Variants in GPC5 observed in about 807,000 individuals in gnomAD.
GPC5 encodes glypican-5.
A neutral mutation model predicts 53.9 loss-of-function variants in GPC5; 47 were observed. That is an observed-to-expected ratio of 0.87 (90% CI 0.69 to 1.11). The LOEUF (loss-of-function observed/expected upper bound fraction) is 1.11, where lower values mean the gene tolerates loss of function less well. Among genes scored for constraint, GPC5 ranks in the 50% most tolerant of loss-of-function variants. The probability of loss-of-function intolerance (pLI) is 0.00; values close to 1 mark genes in which losing one functional copy is unlikely to be tolerated. For synonymous variants in GPC5, 286 were observed against 263.3 expected, an observed-to-expected ratio of 1.09 and a Z score of -0.84; for missense variants, 748 against 713.1, an observed-to-expected ratio of 1.05 and a Z score of -0.56.
chr13:92,044,420 A>G (rs1044062414), intron 6 of GPC5, among the ~76,000 whole-genome samples: 2 of 152,220 alleles, frequency 1.3e-5, no homozygotes, highest in Non-Finnish European at 2.9e-5. Flanking sequence ...GGGGAGCCAT[A>G]GAATCAGAAG....
At chr13:91,457,276 T>C (rs1881629057) in intron 2 of GPC5, among the ~76,000 whole-genome samples, 1 of 152,106 alleles carries the variant, frequency 6.6e-6, no homozygotes, top group Non-Finnish European at 1.5e-5. Context: ...TGAGGTCTTA[T>C]GGTTTGTTTT....
chr13:91,826,866 A>G (rs2038584069), intron 5 of GPC5, among the ~76,000 whole-genome samples: 1 of 152,046 alleles, frequency 6.6e-6, no homozygotes. Flanking sequence ...TCAATTCATG[A>G]TGGATCATAG....
At chr13:92,424,852 T>C (rs935749809) in intron 7 of GPC5, among the ~76,000 whole-genome samples, 1 of 151,116 alleles carries the variant, frequency 6.6e-6, no homozygotes, top group East Asian at 1.9e-4. Flanking sequence ...TCATTGAACA[T>C]GTACTGAGTC....
intron 5 of GPC5, among the ~76,000 whole-genome samples, chr13:91,820,635 A>T (rs2038477348): frequency 1.3e-5 from 2 of 152,188 alleles, no homozygotes; most frequent in Admixed American, 1.3e-4. Context: ...ACTTATTATA[A>T]GTCTGCATGT....
chr13:92,419,409 G>A (rs945750635), intron 7 of GPC5, among the ~76,000 whole-genome samples: 1 of 152,104 alleles, frequency 6.6e-6, no homozygotes, highest in Admixed American at 6.6e-5. Flanking sequence ...TTGTAGAGTG[G>A]GAAAAGGTAA....
At chr13:92,444,305 G>C (rs1031339075) in intron 7 of GPC5, among the ~76,000 whole-genome samples, 2 of 152,124 alleles carry the variant, frequency 1.3e-5, no homozygotes, top group Non-Finnish European at 2.9e-5. Flanking sequence ...AATCAAAAGA[G>C]TCAGTTTGAT....
At chr13:92,535,392 G>A (rs147062817) in intron 7 of GPC5, among the ~76,000 whole-genome samples, 2 of 152,148 alleles carry the variant, frequency 1.3e-5, no homozygotes, top group Admixed American at 6.6e-5. Flanking sequence ...TTCATCAGGC[G>A]CCGCAACCCA....
At chr13:92,735,040 A>T (rs1888902925) in intron 7 of GPC5, among the ~76,000 whole-genome samples, 1 of 151,942 alleles carries the variant, frequency 6.6e-6, no homozygotes, top group African/African-American at 2.4e-5. Flanking sequence ...GTGCTTTGGA[A>T]TAAAAAAACA....
chr13:91,716,258 G>T (rs2036336667), intron 3 of GPC5, among the ~76,000 whole-genome samples: 1 of 151,816 alleles, frequency 6.6e-6, no homozygotes, highest in Admixed American at 6.6e-5. Flanking sequence ...TGTTTTTTTA[G>T]GTGAGATATG....
At chr13:92,419,276 T>G (rs559185289) in intron 7 of GPC5, among the ~76,000 whole-genome samples, 2 of 152,248 alleles carry the variant, frequency 1.3e-5, no homozygotes, top group Non-Finnish European at 2.9e-5. Context: ...CCCAGCAGTA[T>G]TATTTTTTTT....
rs140958560 is a variant in GPC5, at chr13:91,925,250, T to C, written c.1401+17193T>C. On this transcript the variant is annotated intron_variant, in intron 6 of 7. Coordinates refer to ENST00000377067, the MANE Select transcript of GPC5 (RefSeq NM_004466.6). The stretch of plus-strand genomic sequence containing the variant: ...ATATGAAAAATATTAAATATATATT[T>C]ATTGAATAAATGAATGAAAATCATA... Among the ~76,000 whole-genome samples the C allele has an allele frequency of 3.7e-3, 558 of 152,264 alleles. 22 individuals carry two copies. In the East Asian group the frequency reaches 0.093, roughly 25 times the overall value.
chr13:92,041,116 T>G (rs1326527596), intron 6 of GPC5, among the ~76,000 whole-genome samples: 1 of 152,028 alleles, frequency 6.6e-6, no homozygotes, highest in Admixed American at 6.6e-5. Context: ...CCTCCCAAAG[T>G]GCTGAGATTA....
At chr13:92,107,157 A>C (rs2041516774) in intron 6 of GPC5, among the ~76,000 whole-genome samples, 1 of 152,076 alleles carries the variant, frequency 6.6e-6, no homozygotes, top group Admixed American at 6.6e-5. Flanking sequence ...GAAATGAATT[A>C]AAATTAAGTG....
chr13:92,134,200 G>C (rs1451601988), intron 6 of GPC5, among the ~76,000 whole-genome samples: 1 of 152,054 alleles, frequency 6.6e-6, no homozygotes, highest in African/African-American at 2.4e-5. Flanking sequence ...GTTCAGTTTT[G>C]TTCTGTCTTT....
At chr13:91,698,146 C>T (rs2035921702) in intron 3 of GPC5, among the ~76,000 whole-genome samples, 1 of 151,982 alleles carries the variant, frequency 6.6e-6, no homozygotes, top group Admixed American at 6.6e-5. Context: ...CATGATCCAC[C>T]CATCTTGGCC....
chr13:92,630,598 G>A (rs759270344), intron 7 of GPC5, among the ~76,000 whole-genome samples: 2 of 152,028 alleles, frequency 1.3e-5, no homozygotes, highest in Non-Finnish European at 2.9e-5. Context: ...TGTAGATGAC[G>A]GGTTGATGGG....
chr13:91,718,346 G>C (rs1457679918), intron 3 of GPC5, among the ~76,000 whole-genome samples: 1 of 151,890 alleles, frequency 6.6e-6, no homozygotes, highest in East Asian at 2.0e-4. Flanking sequence ...TCCTGACCTC[G>C]TGATCCACCC....
chr13:92,468,845 C>A (rs1394053246), intron 7 of GPC5, among the ~76,000 whole-genome samples: 1 of 152,066 alleles, frequency 6.6e-6, no homozygotes, highest in African/African-American at 2.4e-5. Flanking sequence ...TACCCATTCC[C>A]TCTCCACTTA....
At chr13:92,478,511 T>A (rs1879232495) in intron 7 of GPC5, among the ~76,000 whole-genome samples, 1 of 152,192 alleles carries the variant, frequency 6.6e-6, no homozygotes, top group Non-Finnish European at 1.5e-5. Context: ...AAAGTGATAA[T>A]TCGCTAAAAA....
Sources: allele counts gnomAD v4.1 joint callset (sites outside exome capture counted in the v4.1 genomes callset), GRCh38; gene constraint gnomAD v4.1.1; transcripts MANE v1.5; gene names NCBI Gene and HGNC (gene_info 2026-07-23, HGNC 2026-07-21).